GSPT1: variants seen among roughly 807,000 people sequenced by gnomAD.
GSPT1 encodes the protein G1 to S phase transition 1.
GSPT1 carries 20 observed loss-of-function variants against 72.5 expected under a neutral mutation model. The ratio of observed to expected loss-of-function variants is 0.28; its 90% CI spans 0.19 to 0.40. GSPT1 has a LOEUF of 0.40. Ranked by LOEUF, GSPT1 falls within the 10% of genes least tolerant of loss-of-function variation. GSPT1 has a pLI of 1.00. For missense variants in GSPT1, 580 were observed against 811.9 expected, an observed-to-expected ratio of 0.71 and a Z score of 3.47; for synonymous variants, 334 against 293.5, an observed-to-expected ratio of 1.14 and a Z score of -1.41.
rs1417930577 is a variant in GSPT1, at chr16:11,875,699, T to A, written c.1861+62A>T. ...TGCAATGTGTACTGTACTGAGATGA[T>A]GAAGATGACCAAAGCTAGGTATCCT... is the stretch of plus-strand genomic sequence containing the variant. On this transcript the variant is annotated intron_variant, in intron 14 of 14. Transcript: ENST00000434724. 3.3e-6 allele frequency: 4 copies of A among 1,222,788 alleles called. No homozygotes were observed. In the East Asian group the frequency reaches 9.3e-5, roughly 28 times the overall value. 75.7% of individuals were successfully genotyped at this position (1,222,788 alleles called of 1,614,324 possible).
chr16:11,874,914 G>A (rs555262974), intron 14 of GSPT1, among the ~76,000 whole-genome samples: 32 of 152,260 alleles, frequency 2.1e-4, no homozygotes, highest in Admixed American at 3.9e-4. Flanking sequence ...CAGCTGGGCC[G>A]GGCACGGTGG....
rs776958058 is a variant in GSPT1, at chr16:11,882,981, T to C, written c.1428+34A>G. ...CTTAAAGAAAAAGAAAAAAAATCAA[T>C]AAATAGATAGGAAACAGCATAACCG... On this transcript the variant is annotated intron_variant, in intron 11 of 14. Transcript: ENST00000434724. The C allele has an allele frequency of 8.6e-6, 12 of 1,387,408 alleles. No homozygotes were observed. In the Admixed American group the frequency reaches 1.4e-4, roughly 16 times the overall value. The allele number at this position is 1,387,408 out of a possible 1,614,324, so 85.9% of individuals were successfully genotyped here. A position where few individuals can be genotyped will look rare whatever the true frequency, so the allele number is the denominator to read the frequency against.
chr16:11,900,256 C>T (rs1269273101), intron 1 of GSPT1, among the ~76,000 whole-genome samples: 1 of 151,596 alleles, frequency 6.6e-6, no homozygotes, highest in Non-Finnish European at 1.5e-5. Flanking sequence ...TCGCTTGAAC[C>T]CGGGAGGTGG....
Position 11,885,221 on chromosome 16 carries a change from A to G in GSPT1, c.1307T>C (p.Val436Ala). 1.9e-6 allele frequency: 3 copies of G among 1,599,590 alleles called. No individual in the cohort carries two copies. Among genetic ancestry groups the G allele is most frequent in the Non-Finnish European group, 1.7e-6 (2 of 1,166,854 alleles). ...AATTGGCAGCCTGATTGGTCCATCA[A>G]CTGATCTATTGAAGTTCGGCAAATT... ...LDNLPNFNRS[V>A]DGPIRLPIVD... The change falls in exon 10 of 15, where the codon GTT (valine) becomes GCT (alanine). Residue 436 changes from valine (V) to alanine (A), a missense_variant. Coordinates refer to ENST00000434724, the MANE Select transcript of GSPT1 (RefSeq NM_002094.4).
intron 5 of GSPT1, among the ~76,000 whole-genome samples, chr16:11,891,836 G>GT (rs1335955221): frequency 6.7e-6 from 1 of 148,876 alleles, no homozygotes; most frequent in African/African-American, 2.5e-5. Context: ...CTAAGTTTTT[G>GT]TATTTTTAGT....
chr16:11,873,996 A>G (rs575891776), intron 14 of GSPT1, among the ~76,000 whole-genome samples: 6 of 152,368 alleles, frequency 3.9e-5, no homozygotes, highest in Admixed American at 3.9e-4. Context: ...AACATGTTAC[A>G]TGGTTGAACC....
At position 11,897,894 on chromosome 16, in the gene GSPT1, T is replaced by A. The variant is rs768568234; in HGVS notation, c.395-13A>T. ...GCTGAATTTGAACCTAGACAAGAGATTGAAATATAATATATATTTACCAAA... is the reference window on the plus strand; with the variant it reads ...GCTGAATTTGAACCTAGACAAGAGAATGAAATATAATATATATTTACCAAA... On this transcript the variant is annotated splice_polypyrimidine_tract_variant and intron_variant, in intron 2 of 14. Transcript: ENST00000434724. 6.6e-7 allele frequency: 1 copy of A among 1,521,906 alleles called. No individual in the cohort carries two copies. Among genetic ancestry groups the A allele is most frequent in the Non-Finnish European group, 9.0e-7 (1 of 1,116,170 alleles). The allele number at this position is 1,521,906 out of a possible 1,614,324, so 94.3% of individuals were successfully genotyped here. A position where few individuals can be genotyped will look rare whatever the true frequency, so the allele number is the denominator to read the frequency against.
intron 4 of GSPT1, among the ~76,000 whole-genome samples, chr16:11,896,285 C>T (rs982047385): frequency 6.6e-6 from 1 of 152,170 alleles, no homozygotes; most frequent in African/African-American, 2.4e-5. Flanking sequence ...CTATGCTGAA[C>T]TACCATCAAT....
chr16:11,916,050 C>T (rs1194040040), upstream of GSPT1: 1 of 611,214 alleles, frequency 1.6e-6, no homozygotes, highest in South Asian at 1.4e-5. Flanking sequence ...ACCTTCGCCT[C>T]GGTAGTTCTC....
At chr16:11,889,965 CTT>C (rs78081535) in intron 6 of GSPT1, among the ~76,000 whole-genome samples, 13 of 137,584 alleles carry the variant, frequency 9.4e-5, no homozygotes, top group Admixed American at 2.2e-4. Context: ...TTCCTTTTTT[CTT>C]TTTTTTTTTT....
At chr16:11,912,662 T>C (rs966695572) in intron 1 of GSPT1, among the ~76,000 whole-genome samples, 1 of 152,174 alleles carries the variant, frequency 6.6e-6, no homozygotes, top group Non-Finnish European at 1.5e-5. Context: ...ACCAGTTTCT[T>C]ATCTAACAAT....
rs746363593 is a variant in GSPT1 at position 11,871,393 on chromosome 16, C to T, written c.*1726G>A. ...GACCAGCCTGACCAATAGGGGGAAA[C>T]CTCGTCTCCACTAAAGATACAAAAA... is the stretch of plus-strand genomic sequence containing the variant. On this transcript the variant is annotated 3_prime_UTR_variant, in exon 15 of 15. Transcript: ENST00000434724. 1.1e-4 allele frequency: 16 copies of T among 152,128 alleles called. No individual in the cohort carries two copies. The highest frequency in any genetic ancestry group is 2.2e-4 in the Non-Finnish European group (15 of 68,030). 9.4% of individuals were successfully genotyped at this position (152,128 alleles called of 1,614,324 possible).
In GSPT1 at chr16:11,877,495, T is replaced by C; in HGVS notation, c.1514A>G (p.Lys505Arg). ...APGENLKIRL[K>R]GIEEEEILPG... ...AAGAATCTCCTCTTCTTCAATTCCTTTCAGTCTGATTTTGAGGTTTTCACC... is the reference window on the plus strand; with the variant it reads ...AAGAATCTCCTCTTCTTCAATTCCTCTCAGTCTGATTTTGAGGTTTTCACC... Residue 505 changes from lysine (K) to arginine (R), a missense_variant, in exon 12 of 15, where the codon AAA becomes AGA. Transcript: ENST00000434724. The surrounding 1 kb of genome is among the most constrained non-coding windows in gnomAD (Gnocchi z 4.0). 1 of 1,610,626 alleles carries C rather than the reference T, an allele frequency of 6.2e-7. No individual in the cohort carries two copies. Among genetic ancestry groups the C allele is most frequent in the Non-Finnish European group, 8.5e-7 (1 of 1,177,028 alleles).
In GSPT1 at chr16:11,888,393, T is replaced by C. The variant is rs532957256; in HGVS notation, c.777-643A>G. Among the ~76,000 whole-genome samples, 4 of 141,722 alleles carry C rather than the reference T, an allele frequency of 2.8e-5. No homozygotes were observed. The East Asian group carries it at 8.4e-4, about 30-fold the overall frequency. 93.0% of individuals were successfully genotyped at this position (141,722 alleles called of 152,430 possible). ...AGGACAATCGCTTGAAGCTGGGAGG[T>C]AGAGGTTGCAGTGAGCCAAGATCGT... On this transcript the variant is annotated intron_variant, in intron 6 of 14. Coordinates refer to ENST00000434724, the MANE Select transcript of GSPT1 (RefSeq NM_002094.4).
chr16:11,875,589 C>T (rs2054038270), intron 14 of GSPT1, among the ~76,000 whole-genome samples, 172 bp downstream of exon 14: 1 of 152,126 alleles, frequency 6.6e-6, no homozygotes, highest in Non-Finnish European at 1.5e-5. Flanking sequence ...ACTACTAAAG[C>T]ACGTGGTCAA....
chr16:11,879,859 G>A (rs380494), intron 11 of GSPT1, among the ~76,000 whole-genome samples: 9,580 of 152,098 alleles, frequency 0.063, 378 homozygotes, highest in South Asian at 0.16. Flanking sequence ...ACTTACTGTG[G>A]TAAAATACAT....
chr16:11,885,400 T>TTTA (rs1297588956), intron 9 of GSPT1, 126 bp from the exon 10 acceptor site: 54 of 614,310 alleles, frequency 8.8e-5, no homozygotes, highest in East Asian at 8.8e-4. Context: ...ATTCAACCAC[T>TTTA]TTATTATCCA....
At chr16:11,880,902 TTTTA>T (rs2141279313) in intron 11 of GSPT1, among the ~76,000 whole-genome samples, 1 of 152,296 alleles carries the variant, frequency 6.6e-6, no homozygotes, top group South Asian at 2.1e-4. Context: ...CTGGCCTCTT[TTTTA>T]TTTGATATTT....
At chr16:11,899,243 G>C (rs1287704984) in intron 1 of GSPT1, among the ~76,000 whole-genome samples, 1 of 152,146 alleles carries the variant, frequency 6.6e-6, no homozygotes, top group Non-Finnish European at 1.5e-5. Context: ...TCAAGAGAAA[G>C]TGTTTTGGGC....
Sources: allele counts gnomAD v4.1 joint callset (sites outside exome capture counted in the v4.1 genomes callset), GRCh38; gene constraint gnomAD v4.1.1; non-coding constraint Gnocchi (gnomAD v3.1); transcripts MANE v1.5; gene names NCBI Gene and HGNC (gene_info 2026-07-23, HGNC 2026-07-21).